The following PACRG variants were observed in gnomAD, a reference collection of about 807,000 sequenced individuals.
PACRG encodes parkin coregulated.
Under a neutral mutation model 29.7 loss-of-function variants are expected in PACRG, and 29 were observed. That is an observed-to-expected ratio of 0.98 (90% CI 0.73 to 1.33). The LOEUF (loss-of-function observed/expected upper bound fraction) is 1.33. PACRG is among the 40% of genes most tolerant of loss of function. The pLI is 0.00. For synonymous variants in PACRG, 116 were observed against 118.7 expected, an observed-to-expected ratio of 0.98 and a Z score of 0.15; for missense variants, 279 against 316.2, an observed-to-expected ratio of 0.88 and a Z score of 0.89.
At chr6:162,759,129 C>T (rs1312407172) in intron 1 of PACRG, among the ~76,000 whole-genome samples, 1 of 152,142 alleles carries the variant, frequency 6.6e-6, no homozygotes, top group African/African-American at 2.4e-5. Context: ...GAAGCAGCTC[C>T]CTAGAACACA....
intron 4 of PACRG, chr6:163,244,831 A>G (rs901599403): frequency 3.4e-5 from 9 of 263,604 alleles, no homozygotes; most frequent in Non-Finnish European, 7.6e-6. Context: ...TGAGATTTTT[A>G]ACCTTGGCAA....
intron 2 of PACRG, among the ~76,000 whole-genome samples, chr6:162,921,506 T>C (rs577929611): frequency 1.5e-4 from 23 of 152,304 alleles, no homozygotes; most frequent in Non-Finnish European, 2.9e-4. Flanking sequence ...CTTTTGTTCA[T>C]CAAAATTATC....
chr6:162,822,761 C>A (rs1442195107), intron 2 of PACRG, among the ~76,000 whole-genome samples: 1 of 152,148 alleles, frequency 6.6e-6, no homozygotes, highest in Non-Finnish European at 1.5e-5. Flanking sequence ...ACATAAAACA[C>A]AATTTAATTG....
intron 2 of PACRG, among the ~76,000 whole-genome samples, chr6:162,819,046 C>T (rs1216143906): frequency 6.6e-6 from 1 of 152,182 alleles, no homozygotes; most frequent in Non-Finnish European, 1.5e-5. Flanking sequence ...TCATGATGGT[C>T]CTTGTCCAGA....
chr6:162,811,866 A>G (rs1203304906), intron 1 of PACRG, among the ~76,000 whole-genome samples: 1 of 152,148 alleles, frequency 6.6e-6, no homozygotes, highest in Non-Finnish European at 1.5e-5. Context: ...AGCTCCAATA[A>G]GCATTTCCTG....
At chr6:162,803,242 G>A (rs889695075) in intron 1 of PACRG, among the ~76,000 whole-genome samples, 3 of 152,146 alleles carry the variant, frequency 2.0e-5, no homozygotes, top group Non-Finnish European at 2.9e-5. Context: ...GTGAGGGCAC[G>A]AGGGAGAATT....
chr6:162,997,412 G>A (rs1394654808), intron 2 of PACRG: 3 of 454,200 alleles, frequency 6.6e-6, no homozygotes, highest in Non-Finnish European at 1.3e-5. Context: ...TTAGATTCTA[G>A]GAATGAAAAA....
chr6:162,983,284 A>C (rs1802586250), intron 2 of PACRG, among the ~76,000 whole-genome samples: 1 of 151,960 alleles, frequency 6.6e-6, no homozygotes, highest in South Asian at 2.1e-4. Flanking sequence ...TTTTAAGTGG[A>C]GCATTTAGGC....
intron 2 of PACRG, among the ~76,000 whole-genome samples, chr6:162,896,025 A>G (rs991297651): frequency 3.3e-5 from 5 of 152,186 alleles, no homozygotes; most frequent in Non-Finnish European, 7.3e-5. Flanking sequence ...AATAGTCATC[A>G]AAAGCTTGAT....
chr6:163,192,499 CT>C (rs1285712602), intron 4 of PACRG, among the ~76,000 whole-genome samples: 1 of 152,162 alleles, frequency 6.6e-6, no homozygotes. Flanking sequence ...TATCACAGCT[CT>C]TTTGTCAAAC....
intron 2 of PACRG, among the ~76,000 whole-genome samples, chr6:162,990,141 T>C (rs1301013548): frequency 2.6e-5 from 4 of 151,872 alleles, no homozygotes; most frequent in African/African-American, 9.7e-5. Flanking sequence ...CCTATCATTG[T>C]TGGACATTTG....
intron 4 of PACRG, among the ~76,000 whole-genome samples, chr6:163,134,433 G>A (rs1360946499): frequency 1.3e-5 from 2 of 152,130 alleles, no homozygotes; most frequent in African/African-American, 2.4e-5. Context: ...CTTAAGCCAC[G>A]CATAGAGCCC....
At chr6:163,057,392 C>A (rs1218277359) in intron 2 of PACRG, among the ~76,000 whole-genome samples, 1 of 152,086 alleles carries the variant, frequency 6.6e-6, no homozygotes, top group African/African-American at 2.4e-5. Flanking sequence ...TAAAATATGG[C>A]AAGAATAGTG....
intron 2 of PACRG, among the ~76,000 whole-genome samples, chr6:162,934,623 A>G (rs932868048): frequency 1.3e-5 from 2 of 151,934 alleles, no homozygotes; most frequent in African/African-American, 4.8e-5. Context: ...TCATTTTGCT[A>G]ATTGTTTTCT....
At chr6:163,158,051 C>T (rs570807228) in intron 4 of PACRG, among the ~76,000 whole-genome samples, 1 of 152,294 alleles carries the variant, frequency 6.6e-6, no homozygotes, top group South Asian at 2.1e-4. Context: ...TTATGGATAA[C>T]ACCTCTTTTA....
At chr6:163,262,386 G>A (rs1363569133) in intron 4 of PACRG, among the ~76,000 whole-genome samples, 2 of 152,200 alleles carry the variant, frequency 1.3e-5, no homozygotes, top group Admixed American at 6.5e-5. Flanking sequence ...GATCACAGGC[G>A]GGGGAATATA....
intron 2 of PACRG, among the ~76,000 whole-genome samples, chr6:162,928,830 T>C (rs1797640209): frequency 2.0e-5 from 3 of 151,646 alleles, no homozygotes; most frequent in African/African-American, 7.2e-5. Flanking sequence ...AGGTCCACTT[T>C]TTTTTTTAGC....
chr6:162,995,026 G>C (rs1046265430), intron 2 of PACRG, among the ~76,000 whole-genome samples: 1 of 151,024 alleles, frequency 6.6e-6, no homozygotes, highest in Non-Finnish European at 1.5e-5. Context: ...TGCCCCTGCT[G>C]GGGGGTGCCT....
chr6:162,984,227 A>G (rs1244991256), intron 2 of PACRG, among the ~76,000 whole-genome samples: 1 of 151,986 alleles, frequency 6.6e-6, no homozygotes. Flanking sequence ...ATGCCTTTGC[A>G]TCCTCATAGC....
Sources: allele counts gnomAD v4.1 joint callset (sites outside exome capture counted in the v4.1 genomes callset), GRCh38; gene constraint gnomAD v4.1.1; transcripts MANE v1.5; gene names NCBI Gene and HGNC (gene_info 2026-07-23, HGNC 2026-07-21).